The following PRKN variants were observed in gnomAD, a reference collection of about 807,000 sequenced individuals.
The protein encoded by PRKN is E3 ubiquitin-protein ligase parkin.
In PRKN, 56 loss-of-function variants were observed where a neutral mutation model predicts 59.5. The observed-to-expected ratio is 0.94, with a 90% confidence interval of 0.76 to 1.18. The LOEUF (loss-of-function observed/expected upper bound fraction) is 1.18. PRKN is among the 50% of genes most tolerant of loss of function. PRKN has a pLI of 0.00. For missense variants in PRKN, 657 were observed against 596.4 expected (o/e 1.10, Z -1.06); for synonymous variants, 250 against 222.1 (o/e 1.13, Z -1.12).
At chr6:161,871,284 A>G in intron 6 of PRKN, among the ~76,000 whole-genome samples, 1 of 152,084 alleles carries the variant, frequency 6.6e-6, no homozygotes, top group East Asian at 1.9e-4. Flanking sequence ...CATGGCCCCC[A>G]AAAGTCTGTG....
chr6:162,466,045 C>T (rs1791398842), intron 1 of PRKN, among the ~76,000 whole-genome samples: 2 of 151,978 alleles, frequency 1.3e-5, no homozygotes, highest in Non-Finnish European at 2.9e-5. Flanking sequence ...TTTTTCTTTC[C>T]TTGACATACT....
At chr6:162,554,900 A>C (rs1388303325) in intron 1 of PRKN, among the ~76,000 whole-genome samples, 1 of 152,196 alleles carries the variant, frequency 6.6e-6, no homozygotes, top group Admixed American at 6.5e-5. Context: ...AACTATCAAG[A>C]AAAATGATGA....
intron 4 of PRKN, among the ~76,000 whole-genome samples, chr6:162,155,448 G>T (rs760312259): frequency 6.6e-6 from 1 of 152,040 alleles, no homozygotes; most frequent in Non-Finnish European, 1.5e-5. Flanking sequence ...TTTTTAAGCA[G>T]CACTATGAGA....
At chr6:162,064,272 T>A (rs988774908) in intron 4 of PRKN, among the ~76,000 whole-genome samples, 4 of 152,212 alleles carry the variant, frequency 2.6e-5, no homozygotes, top group Non-Finnish European at 1.5e-5. Context: ...AGGTACTGAC[T>A]AGAAAAAGAG....
intron 2 of PRKN, among the ~76,000 whole-genome samples, chr6:162,431,691 A>G (rs896175657): frequency 6.6e-6 from 1 of 152,246 alleles, no homozygotes; most frequent in Non-Finnish European, 1.5e-5. Flanking sequence ...AAAAACAAAC[A>G]AAATACTAAA....
intron 6 of PRKN, among the ~76,000 whole-genome samples, chr6:161,822,835 T>C (rs1235628319): frequency 6.6e-6 from 1 of 152,262 alleles, no homozygotes; most frequent in East Asian, 1.9e-4. Flanking sequence ...CCTTTTATCA[T>C]AAATTTTCTA....
chr6:162,257,311 T>C (rs919702738), intron 3 of PRKN, among the ~76,000 whole-genome samples: 27 of 152,176 alleles, frequency 1.8e-4, no homozygotes, highest in African/African-American at 6.5e-4. Flanking sequence ...TCTTTTTTTT[T>C]TCTCAAAAGC....
At chr6:162,638,946 A>C (rs747940886) in intron 1 of PRKN, among the ~76,000 whole-genome samples, 9 of 151,758 alleles carry the variant, frequency 5.9e-5, no homozygotes, top group Non-Finnish European at 1.0e-4. Context: ...GGGTTTCACT[A>C]TGTTAGCCAG....
chr6:162,389,273 G>A (rs551136708), intron 2 of PRKN, among the ~76,000 whole-genome samples: 1 of 152,102 alleles, frequency 6.6e-6, no homozygotes, highest in East Asian at 1.9e-4. Flanking sequence ...CCTGTTGAAA[G>A]AAGCCACCAA....
At chr6:161,852,476 T>G (rs574411661) in intron 6 of PRKN, among the ~76,000 whole-genome samples, 2 of 152,116 alleles carry the variant, frequency 1.3e-5, no homozygotes, top group African/African-American at 4.8e-5. Flanking sequence ...CAGACACATA[T>G]GCCATCACAC....
At chr6:162,645,379 G>C (rs1028513691) in intron 1 of PRKN, among the ~76,000 whole-genome samples, 2 of 152,114 alleles carry the variant, frequency 1.3e-5, no homozygotes, top group African/African-American at 2.4e-5. Context: ...GCATCAAGAA[G>C]CAAACAGTCA....
intron 9 of PRKN, among the ~76,000 whole-genome samples, chr6:161,406,358 C>A (rs1185405247): frequency 6.6e-6 from 1 of 151,994 alleles, no homozygotes; most frequent in Non-Finnish European, 1.5e-5. Flanking sequence ...CCACTATGGG[C>A]ACATTTTAGC....
intron 10 of PRKN, among the ~76,000 whole-genome samples, chr6:161,374,314 G>C (rs909925558): frequency 6.6e-6 from 1 of 151,514 alleles, no homozygotes; most frequent in South Asian, 2.1e-4. Flanking sequence ...GTGCGCGTGT[G>C]TTGTGTGTGT....
intron 1 of PRKN, among the ~76,000 whole-genome samples, chr6:162,576,005 T>A (rs1249502198): frequency 6.6e-6 from 1 of 152,164 alleles, no homozygotes; most frequent in Non-Finnish European, 1.5e-5. Context: ...AATCCTATCT[T>A]GGTTCTATTG....
Position 161,576,671 on chromosome 6 carries a change from A to T in PRKN, c.872-7255T>A, listed in dbSNP as rs1343177907. On this transcript the variant is annotated intron_variant, in intron 7 of 11. Coordinates refer to ENST00000366898, the MANE Select transcript of PRKN (RefSeq NM_004562.3). The surrounding 1 kb of genome is among the most constrained non-coding windows in gnomAD (Gnocchi z 4.6). ...GAGAGACAATAAAAATAAACTAATA[A>T]GTAGGTAAATGAAGTAACATTTTGG... Among the ~76,000 whole-genome samples, 5 of 152,228 alleles carry T rather than the reference A, an allele frequency of 3.3e-5. No individual in the cohort carries two copies. The highest frequency in any genetic ancestry group is 1.2e-4 in the African/African-American group (5 of 41,462).
intron 7 of PRKN, among the ~76,000 whole-genome samples, chr6:161,618,931 A>G (rs1392591276): frequency 6.6e-6 from 1 of 152,186 alleles, no homozygotes; most frequent in East Asian, 1.9e-4. Flanking sequence ...TGCCAAGCTG[A>G]CTTCGCATTC....
In PRKN at chr6:161,575,136, A is replaced by G. The variant is rs909592804; in HGVS notation, c.872-5720T>C. 2.0e-5 allele frequency among the ~76,000 whole-genome samples: 3 copies of G among 152,218 alleles called. No individual in the cohort carries two copies. The highest frequency in any genetic ancestry group is 6.5e-5 in the Admixed American group (1 of 15,282). ...AATCTGAGCTCATTGGTGTTCAATG[A>G]ATACCAGCTTTTTGGTGTTAAAAAT... is the stretch of plus-strand genomic sequence containing the variant. On this transcript the variant is annotated intron_variant, in intron 7 of 11. Transcript: ENST00000366898. The surrounding 1 kb of genome is among the most constrained non-coding windows in gnomAD (Gnocchi z 4.6).
At position 161,865,833 on chromosome 6, in the gene PRKN, T is replaced by A. The variant is rs187190958; in HGVS notation, c.735-79925A>T. ...CTTAACATTCACGTGTTCACTGGAG[T>A]AGCACTTTTAATTTCCTTCAAGAGC... is the stretch of plus-strand genomic sequence containing the variant. On this transcript the variant is annotated intron_variant, in intron 6 of 11. Coordinates refer to ENST00000366898, the MANE Select transcript of PRKN (RefSeq NM_004562.3). 0.01 allele frequency among the ~76,000 whole-genome samples: 1,551 copies of A among 152,182 alleles called. 45 individuals carry two copies. The East Asian group carries it at 0.11, about 10-fold the overall frequency.
intron 1 of PRKN, among the ~76,000 whole-genome samples, chr6:162,514,145 C>T (rs1486288067): frequency 6.6e-6 from 1 of 151,874 alleles, no homozygotes; most frequent in African/African-American, 2.4e-5. Flanking sequence ...ATAAATTTTG[C>T]AGTAGACAAA....
Sources: allele counts gnomAD v4.1 joint callset (sites outside exome capture counted in the v4.1 genomes callset), GRCh38; gene constraint gnomAD v4.1.1; non-coding constraint Gnocchi (gnomAD v3.1); transcripts MANE v1.5; gene names NCBI Gene and HGNC (gene_info 2026-07-23, HGNC 2026-07-21).